Variants in PRDM6 observed in about 807,000 individuals in gnomAD.
PRDM6 encodes the protein PR/SET domain 6, also known as putative histone-lysine N-methyltransferase PRDM6.
PRDM6 carries 25 observed loss-of-function variants against 60.8 expected under a neutral mutation model. The observed-to-expected ratio is 0.41, with a 90% CI of 0.30 to 0.57. The LOEUF is 0.57. PRDM6 is among the 20% of genes least tolerant of loss of function. The probability of loss-of-function intolerance (pLI) is 0.27; values close to 1 mark genes in which losing one functional copy is unlikely to be tolerated. For synonymous variants in PRDM6, 407 were observed against 357.4 expected, an observed-to-expected ratio of 1.14 and a Z score of -1.57; for missense variants, 839 against 821.3, an observed-to-expected ratio of 1.02 and a Z score of -0.26.
rs1405645862 is a variant in PRDM6 at position 123,090,173 on chromosome 5, G to GCCGCCGCCC, written c.165_173dup (p.Pro57_Pro59dup). ...GCGCGCCGCAGCCTCTTCAGCCGCC[G>GCCGCCGCCC]CCGCCGCCCCCGCCCCCGGAGCGCG... On this transcript the variant is annotated inframe_insertion, in exon 2 of 8. Coordinates refer to ENST00000407847, the MANE Select transcript of PRDM6 (RefSeq NM_001136239.4). 4.7e-6 allele frequency: 7 copies of GCCGCCGCCC among 1,490,658 alleles called. No homozygotes were observed. Among genetic ancestry groups the GCCGCCGCCC allele is most frequent in the Non-Finnish European group, 4.4e-6 (5 of 1,123,708 alleles). 92.3% of individuals were successfully genotyped at this position (1,490,658 alleles called of 1,614,324 possible). A position where few individuals can be genotyped will look rare whatever the true frequency, so the allele number is the denominator to read the frequency against.
chr5:123,092,775 G>A (rs1763870291), intron 2 of PRDM6, among the ~76,000 whole-genome samples: 1 of 152,140 alleles, frequency 6.6e-6, no homozygotes, highest in African/African-American at 2.4e-5. Flanking sequence ...AAAATAGAAA[G>A]CTGAGATAGC....
At chr5:123,176,321 A>G (rs1334923780) in intron 6 of PRDM6, among the ~76,000 whole-genome samples, 1 of 139,654 alleles carries the variant, frequency 7.2e-6, no homozygotes, top group Non-Finnish European at 1.6e-5. Flanking sequence ...GTTGTGAGAT[A>G]CTGTCCTTTT....
rs1174722866 is a variant in PRDM6 at position 123,187,677 on chromosome 5, C to T, written c.*476C>T. On this transcript the variant is annotated 3_prime_UTR_variant, in exon 8 of 8. Coordinates refer to ENST00000407847, the MANE Select transcript of PRDM6 (RefSeq NM_001136239.4). The stretch of plus-strand genomic sequence containing the variant: ...TTTGGCCTGGCCTGACACTGGCTGC[C>T]CCAGCGGGGACCACGGAAGCAGAGT... 6.3e-6 allele frequency: 1 copy of T among 157,838 alleles called. No homozygotes were observed. 9.8% of individuals were successfully genotyped at this position (157,838 alleles called of 1,614,324 possible). A position where few individuals can be genotyped will look rare whatever the true frequency, so the allele number is the denominator to read the frequency against.
Position 123,159,623 on chromosome 5 carries a change from G to A in PRDM6, c.1138G>A (p.Ala380Thr). The change falls in exon 5 of 8, where the codon GCC (alanine) becomes ACC (threonine). Residue 380 changes from alanine to threonine, a missense_variant. Transcript: ENST00000407847. ...SFFGIPLQCI[A>T]QDENLNVPST... Reference sequence around the variant, plus strand: ...CTTTGGGATCCCCTTACAATGCATTGCCCAGGATGAAAACTGTAAGAATTT... The same window carrying A: ...CTTTGGGATCCCCTTACAATGCATTACCCAGGATGAAAACTGTAAGAATTT... The A allele has an allele frequency of 6.4e-7, 1 of 1,551,398 alleles. No homozygotes were observed. The highest frequency in any genetic ancestry group is 8.7e-7 in the Non-Finnish European group (1 of 1,146,716).
chr5:123,164,811 T>C (rs1241817249), intron 5 of PRDM6, among the ~76,000 whole-genome samples: 5 of 152,142 alleles, frequency 3.3e-5, no homozygotes, highest in Non-Finnish European at 7.3e-5. Flanking sequence ...TGTAGGGGGC[T>C]GACATCTCGG....
intron 5 of PRDM6, among the ~76,000 whole-genome samples, chr5:123,169,311 A>G: frequency 6.6e-6 from 1 of 152,218 alleles, no homozygotes; most frequent in East Asian, 1.9e-4. Context: ...TAACTCACTA[A>G]TGTCTTAATA....
intron 7 of PRDM6, among the ~76,000 whole-genome samples, chr5:123,185,968 T>C (rs1216869401): frequency 6.6e-6 from 1 of 152,196 alleles, no homozygotes; most frequent in Non-Finnish European, 1.5e-5. Flanking sequence ...GTTGCATTAT[T>C]TAAAAGTGGG....
chr5:123,095,471 C>G (rs173029), intron 2 of PRDM6, among the ~76,000 whole-genome samples: 28,444 of 152,270 alleles, frequency 0.19, 3,284 homozygotes, highest in Non-Finnish European at 0.26. Context: ...TCTGCCTGCC[C>G]GCCCTCTGCC....
At chr5:123,089,791 G>A (rs1188209288) in intron 1 of PRDM6, among the ~76,000 whole-genome samples, 1 of 152,230 alleles carries the variant, frequency 6.6e-6, no homozygotes, top group East Asian at 1.9e-4. Context: ...CGGGGAGGCA[G>A]AGCAGGGTGC....
In PRDM6 at chr5:123,187,632, C is replaced by T. The variant is rs1766318502; in HGVS notation, c.*431C>T. 1 of 168,788 alleles carries T rather than the reference C, an allele frequency of 5.9e-6. No homozygotes were observed. The highest frequency in any genetic ancestry group is 1.5e-4 in the South Asian group (1 of 6,778). 10.5% of individuals were successfully genotyped at this position (168,788 alleles called of 1,614,324 possible). ...GTTTCATGGGGACCCACTGTACAGC[C>T]CTTCATTCTGCTGTGTCAGTTTGGC... On this transcript the variant is annotated 3_prime_UTR_variant, in exon 8 of 8. Transcript: ENST00000407847.
chr5:123,108,896 A>G (rs143282357), intron 3 of PRDM6, among the ~76,000 whole-genome samples: 301 of 152,248 alleles, frequency 2.0e-3, no homozygotes, highest in Middle Eastern at 6.8e-3. Flanking sequence ...GGAAATTGCA[A>G]CCAATGGCAC....
chr5:123,128,063 C>T (rs1764735269), intron 3 of PRDM6, among the ~76,000 whole-genome samples: 1 of 152,104 alleles, frequency 6.6e-6, no homozygotes, highest in Admixed American at 6.6e-5. Context: ...ATGATGGTTC[C>T]CAGCTTCATC....
chr5:123,155,262 C>CTTTTTTTTTT (rs759225954), intron 3 of PRDM6, among the ~76,000 whole-genome samples: 1 of 92,738 alleles, frequency 1.1e-5, no homozygotes, highest in Non-Finnish European at 2.1e-5. Context: ...GAGGGTCTCT[C>CTTTTTTTTTT]TTTTTTTTTT....
intron 3 of PRDM6, among the ~76,000 whole-genome samples, chr5:123,115,206 C>G (rs962946318): frequency 2.6e-5 from 4 of 152,130 alleles, no homozygotes; most frequent in Admixed American, 1.3e-4. Flanking sequence ...AAGGGAAGAG[C>G]CTTACGTTTG....
intron 5 of PRDM6, among the ~76,000 whole-genome samples, 184 bp from the exon 6 acceptor site, chr5:123,170,582 A>G (rs981867026): frequency 6.6e-6 from 1 of 152,222 alleles, no homozygotes; most frequent in African/African-American, 2.4e-5. Context: ...TAGGCATCAG[A>G]TGAGTTATTA....
intron 6 of PRDM6, among the ~76,000 whole-genome samples, chr5:123,177,317 A>G (rs1253346888): frequency 1.3e-5 from 2 of 152,208 alleles, no homozygotes; most frequent in African/African-American, 4.8e-5. Context: ...TGTACTTTCT[A>G]AGGGCTAACT....
rs1033256736 is a variant in PRDM6 at position 123,188,339 on chromosome 5, A to G, written c.*1138A>G. ...CCCAGGAGCAGCTAATTTTATCAATAGGATTACTTTGTCTTTTCTTGAGAT... is the reference window on the plus strand; with the variant it reads ...CCCAGGAGCAGCTAATTTTATCAATGGGATTACTTTGTCTTTTCTTGAGAT... On this transcript the variant is annotated 3_prime_UTR_variant, in exon 8 of 8. Coordinates refer to ENST00000407847, the MANE Select transcript of PRDM6 (RefSeq NM_001136239.4). 2 of 152,214 alleles carry G rather than the reference A, an allele frequency of 1.3e-5. No individual in the cohort carries two copies. The highest frequency in any genetic ancestry group is 2.9e-5 in the Non-Finnish European group (2 of 68,038). 9.4% of individuals were successfully genotyped at this position (152,214 alleles called of 1,614,324 possible). A position where few individuals can be genotyped will look rare whatever the true frequency, so the allele number is the denominator to read the frequency against.
intron 7 of PRDM6, among the ~76,000 whole-genome samples, chr5:123,185,931 C>T (rs1426998428): frequency 1.3e-5 from 2 of 152,214 alleles, no homozygotes; most frequent in Non-Finnish European, 2.9e-5. Context: ...CCACAGCTTT[C>T]ATAGTGCAGG....
At chr5:123,176,359 G>C (rs1158052054) in intron 6 of PRDM6, among the ~76,000 whole-genome samples, 1 of 151,720 alleles carries the variant, frequency 6.6e-6, no homozygotes, top group Non-Finnish European at 1.5e-5. Flanking sequence ...CCTTTGCTTT[G>C]AGAAGAGTGA....
Sources: allele counts gnomAD v4.1 joint callset (sites outside exome capture counted in the v4.1 genomes callset), GRCh38; gene constraint gnomAD v4.1.1; transcripts MANE v1.5; gene names NCBI Gene and HGNC (gene_info 2026-07-23, HGNC 2026-07-21).